STK3: variants seen among roughly 807,000 people sequenced by gnomAD.
STK3 encodes the protein serine/threonine-protein kinase 3.
Under a neutral mutation model 58.0 loss-of-function variants are expected in STK3, and 41 were observed. The observed-to-expected ratio is 0.71, with a 90% confidence interval of 0.55 to 0.92. STK3 has a LOEUF of 0.92. STK3 is among the 40% of genes least tolerant of loss of function. STK3 has a pLI of 0.00. For missense variants in STK3, 479 were observed against 602.7 expected, an observed-to-expected ratio of 0.79 and a Z score of 2.15; for synonymous variants, 170 against 191.0, an observed-to-expected ratio of 0.89 and a Z score of 0.91.
chr8:98,403,608 T>A (rs536406594), intron 3 of STK3, among the ~76,000 whole-genome samples: 1 of 150,628 alleles, frequency 6.6e-6, no homozygotes, highest in Non-Finnish European at 1.5e-5. Context: ...AGTCATTGTT[T>A]GAGGGCTGCC....
chr8:98,675,961 T>C (rs1823180680), intron 6 of STK3, among the ~76,000 whole-genome samples: 1 of 152,156 alleles, frequency 6.6e-6, no homozygotes, highest in Non-Finnish European at 1.5e-5. Flanking sequence ...CAATCGAAGT[T>C]TCCATCAATA....
At chr8:98,879,270 A>G (rs969267429), downstream of STK3, 1 of 152,172 alleles carries the variant, frequency 6.6e-6, no homozygotes, top group Admixed American at 6.5e-5. Flanking sequence ...GAATAATGAG[A>G]AGAAAGCAAA....
intron 1 of STK3, among the ~76,000 whole-genome samples, chr8:98,447,879 A>C (rs560611607): frequency 6.7e-6 from 1 of 148,982 alleles, no homozygotes; most frequent in South Asian, 2.1e-4. Flanking sequence ...TTACTCTGAA[A>C]TTGAAATAAT....
intron 7 of STK3, among the ~76,000 whole-genome samples, chr8:98,583,735 T>C (rs1404565135): frequency 6.6e-6 from 1 of 152,186 alleles, no homozygotes; most frequent in African/African-American, 2.4e-5. Context: ...TCTTGTCTTG[T>C]TCTGAAAACA....
chr8:98,721,997 T>C (rs1411366884), intron 4 of STK3, among the ~76,000 whole-genome samples: 1 of 152,048 alleles, frequency 6.6e-6, no homozygotes, highest in Non-Finnish European at 1.5e-5. Context: ...TAGAGACTCA[T>C]AAATGATCAT....
intron 1 of STK3, among the ~76,000 whole-genome samples, chr8:98,894,562 T>A (rs1838381976): frequency 6.6e-6 from 1 of 152,242 alleles, no homozygotes; most frequent in South Asian, 2.1e-4. Flanking sequence ...GCATTTATTG[T>A]TTTCTAGTAT....
At chr8:98,820,356 G>C (rs1403248457) in intron 1 of STK3, among the ~76,000 whole-genome samples, 2 of 152,056 alleles carry the variant, frequency 1.3e-5, no homozygotes, top group Admixed American at 1.3e-4. Flanking sequence ...TCCTTTTAGT[G>C]TTTTCATTGT....
intron 6 of STK3, among the ~76,000 whole-genome samples, chr8:98,640,456 TA>T (rs1282951872): frequency 3.9e-5 from 6 of 152,148 alleles, no homozygotes; most frequent in Non-Finnish European, 7.4e-5. Flanking sequence ...AAATGTGATA[TA>T]AAAAAACATA....
chr8:98,725,736 C>T (rs577131793), intron 4 of STK3, among the ~76,000 whole-genome samples: 1 of 152,184 alleles, frequency 6.6e-6, no homozygotes, highest in Admixed American at 6.5e-5. Context: ...AAACTAAATA[C>T]CACTTTTTAA....
At chr8:98,673,288 C>G (rs1027451903) in intron 6 of STK3, among the ~76,000 whole-genome samples, 29 of 152,176 alleles carry the variant, frequency 1.9e-4, no homozygotes, top group Admixed American at 1.8e-3. Flanking sequence ...GGTTCTAATC[C>G]TGGTTCTACC....
chr8:98,917,769 G>T (rs773969187), intron 1 of STK3, among the ~76,000 whole-genome samples: 1 of 152,080 alleles, frequency 6.6e-6, no homozygotes, highest in Non-Finnish European at 1.5e-5. Flanking sequence ...GGAAGAAACC[G>T]CTCCTATTTC....
At chr8:98,900,102 G>T (rs1167902882) in intron 1 of STK3, among the ~76,000 whole-genome samples, 1 of 152,034 alleles carries the variant, frequency 6.6e-6, no homozygotes, top group Non-Finnish European at 1.5e-5. Flanking sequence ...TTTGAGACAG[G>T]GTCTCCCTCT....
At chr8:98,799,443 C>T (rs1470041085) in intron 1 of STK3, among the ~76,000 whole-genome samples, 1 of 151,340 alleles carries the variant, frequency 6.6e-6, no homozygotes, top group African/African-American at 2.4e-5. Flanking sequence ...AGAGAGACAA[C>T]AAAGAAGTCA....
chr8:98,557,549 GA>G (rs34356375), intron 8 of STK3, among the ~76,000 whole-genome samples: 3,573 of 152,126 alleles, frequency 0.023, 70 homozygotes, highest in Middle Eastern at 0.085. Flanking sequence ...AAATTACTGA[GA>G]AAACATCAAA....
At chr8:98,892,720 T>C (rs1389298094) in intron 1 of STK3, among the ~76,000 whole-genome samples, 5 of 152,206 alleles carry the variant, frequency 3.3e-5, no homozygotes, top group Non-Finnish European at 5.9e-5. Context: ...CTGACTCTAA[T>C]TCTTTCTGAA....
At chr8:98,644,303 G>C (rs1820241635) in intron 6 of STK3, among the ~76,000 whole-genome samples, 1 of 152,106 alleles carries the variant, frequency 6.6e-6, no homozygotes, top group South Asian at 2.1e-4. Flanking sequence ...AACCGAACTT[G>C]TATAGACACA....
At chr8:98,906,069 G>A (rs981652893) in intron 1 of STK3, among the ~76,000 whole-genome samples, 15 of 152,130 alleles carry the variant, frequency 9.9e-5, no homozygotes, top group Non-Finnish European at 2.2e-4. Context: ...CATTATGCAC[G>A]GAGAAACCTA....
At chr8:98,502,716 G>T (rs1179137314) in intron 10 of STK3, among the ~76,000 whole-genome samples, 1 of 152,152 alleles carries the variant, frequency 6.6e-6, no homozygotes, top group Non-Finnish European at 1.5e-5. Context: ...TTATTGATTT[G>T]CATATGTTGA....
chr8:98,918,875 T>C (rs1839444580), intron 1 of STK3, among the ~76,000 whole-genome samples: 1 of 151,848 alleles, frequency 6.6e-6, no homozygotes, highest in South Asian at 2.1e-4. Flanking sequence ...AATTTGACAA[T>C]CAGAACATGA....
Sources: allele counts gnomAD v4.1 joint callset (sites outside exome capture counted in the v4.1 genomes callset), GRCh38; gene constraint gnomAD v4.1.1; transcripts MANE v1.5; gene names NCBI Gene and HGNC (gene_info 2026-07-23, HGNC 2026-07-21).